EFL1: variants seen among roughly 807,000 people sequenced by gnomAD.
EFL1 encodes elongation factor like GTPase 1.
EFL1 carries 76 observed loss-of-function variants against 126.7 expected under a neutral mutation model. The observed-to-expected ratio is 0.60, with a 90% confidence interval of 0.50 to 0.73. The LOEUF (loss-of-function observed/expected upper bound fraction) is 0.73, where lower values mean the gene tolerates loss of function less well. Ranked by LOEUF, EFL1 falls within the 30% of genes least tolerant of loss-of-function variation. The probability of loss-of-function intolerance (pLI) is 0.00; values close to 1 mark genes in which losing one functional copy is unlikely to be tolerated. For missense variants in EFL1, 1,128 were observed against 1,343.2 expected (o/e 0.84, Z 2.50); for synonymous variants, 410 against 448.4 (o/e 0.91, Z 1.08).
intron 15 of EFL1, among the ~76,000 whole-genome samples, chr15:82,206,292 T>G (rs1403651401): frequency 6.6e-6 from 1 of 152,042 alleles, no homozygotes; most frequent in East Asian, 1.9e-4. Flanking sequence ...TGATACATAA[T>G]ATATTAGAAG....
chr15:82,225,401 C>T (rs2074752955), intron 11 of EFL1, 137 bp from the exon 12 acceptor site: 1 of 598,400 alleles, frequency 1.7e-6, no homozygotes. Context: ...TAACTTTTTC[C>T]AACTATGATA....
intron 11 of EFL1, among the ~76,000 whole-genome samples, chr15:82,226,870 G>A (rs2074769472): frequency 1.3e-5 from 2 of 152,124 alleles, no homozygotes; most frequent in Admixed American, 6.6e-5. Context: ...GAGATATTAA[G>A]GATAAGCAGC....
At chr15:82,207,395 T>C (rs559961260) in intron 15 of EFL1, among the ~76,000 whole-genome samples, 1 of 151,882 alleles carries the variant, frequency 6.6e-6, no homozygotes, top group African/African-American at 2.4e-5. Context: ...ATTGCACCAC[T>C]ATTTAACACT....
chr15:82,202,010 C>T (rs1342732958), intron 15 of EFL1, among the ~76,000 whole-genome samples: 2 of 151,776 alleles, frequency 1.3e-5, no homozygotes, highest in Non-Finnish European at 1.5e-5. Context: ...GTTGACAATT[C>T]AGGAGTTTTA....
At chr15:82,218,777 T>A (rs1000072581) in intron 14 of EFL1, among the ~76,000 whole-genome samples, 25 of 152,348 alleles carry the variant, frequency 1.6e-4, no homozygotes, top group South Asian at 6.2e-4. Context: ...GCCACGCAGC[T>A]CTGCACTCTC....
Position 82,130,468 on chromosome 15 carries a change from A to G in EFL1, c.3268T>C (p.Tyr1090His). The G allele has an allele frequency of 6.2e-7, 1 of 1,614,112 alleles. No individual in the cohort carries two copies. The highest frequency in any genetic ancestry group is 8.5e-7 in the Non-Finnish European group (1 of 1,180,030). ...TTCCGCTTTCGTACTGCGTTCATGTACTTCCGGGCTTGGTTCTCAGAGTCA... is the reference window on the plus strand; with the variant it reads ...TTCCGCTTTCGTACTGCGTTCATGTGCTTCCGGGCTTGGTTCTCAGAGTCA... ...KADSENQARK[Y>H]MNAVRKRKGL... is the part of the protein sequence containing the mutation. Residue 1090 changes from tyrosine to histidine, a missense_variant, in exon 20 of 20, where the codon TAC becomes CAC. Around this residue, in one of 6 missense-constraint regions of EFL1, gnomAD observed 561 missense variants for 641.7 expected, o/e 0.87. Coordinates refer to ENST00000268206, the MANE Select transcript of EFL1 (RefSeq NM_024580.6).
intron 15 of EFL1, among the ~76,000 whole-genome samples, chr15:82,165,281 AAGAG>A (rs1212220799): frequency 2.6e-4 from 40 of 152,094 alleles, no homozygotes; most frequent in African/African-American, 9.7e-5. Flanking sequence ...GAGAGAGTGA[AAGAG>A]AGAGAGCGAG....
rs763624236 is a variant in EFL1 at position 82,130,404 on chromosome 15, T to C, written c.3332A>G (p.Glu1111Gly). 7.3e-5 allele frequency: 118 copies of C among 1,614,068 alleles called. No homozygotes were observed. The highest frequency in any genetic ancestry group is 9.2e-5 in the Non-Finnish European group (109 of 1,180,034). ...YVEEKIVEHA[E>G]KQRTLSKNK Reference sequence around the variant, plus strand: ...ATTTTTGCTGAGTGTCCTCTGCTTTTCTGCATGCTCCACAATCTTTTCTTC... The same window carrying C: ...ATTTTTGCTGAGTGTCCTCTGCTTTCCTGCATGCTCCACAATCTTTTCTTC... Residue 1111 changes from glutamate (E) to glycine (G), a missense_variant, in exon 20 of 20, where the codon GAA becomes GGA. Physicochemically the swap from Glu to Gly is moderately conservative, Grantham distance 98. Coordinates refer to ENST00000268206, the MANE Select transcript of EFL1 (RefSeq NM_024580.6).
At chr15:82,181,622 A>ATGTGTGTGTGTGTGTGTG (rs35063141) in intron 15 of EFL1, among the ~76,000 whole-genome samples, 5 of 149,374 alleles carry the variant, frequency 3.3e-5, no homozygotes, top group African/African-American at 1.2e-4. Flanking sequence ...ATGTGTGTGC[A>ATGTGTGTGTGTGTGTGTG]TGTGTGTGTG....
At chr15:82,200,517 G>C (rs902037390) in intron 15 of EFL1, among the ~76,000 whole-genome samples, 3 of 152,104 alleles carry the variant, frequency 2.0e-5, no homozygotes, top group Non-Finnish European at 4.4e-5. Context: ...CTGGACCATG[G>C]CACAGAGAAA....
At chr15:82,241,541 A>C in intron 4 of EFL1, 138 bp from the exon 5 acceptor site, 1 of 1,081,770 alleles carries the variant, frequency 9.2e-7, no homozygotes, top group Non-Finnish European at 1.3e-6. Context: ...CTCAATCCAG[A>C]GCTACCATTC....
chr15:82,130,515 T>G lies in EFL1; in HGVS notation c.3221A>C (p.Tyr1074Ser). ...PFWVPTTEEE[Y>S]LHFGEKADSE... is the part of the protein sequence containing the mutation. Reference sequence around the variant, plus strand: ...GTCAGCCTTCTCCCCAAAGTGCAAGTATTCCTCCTCAGTAGTTGGCACCCA... The same window carrying G: ...GTCAGCCTTCTCCCCAAAGTGCAAGGATTCCTCCTCAGTAGTTGGCACCCA... The change falls in exon 20 of 20, where the codon TAC (tyrosine) becomes TCC (serine). Residue 1074 changes from tyrosine (Y) to serine (S), a missense_variant. This residue lies in a region of EFL1 where 561 missense variants were observed against 641.7 expected (regional missense o/e 0.87). Coordinates refer to ENST00000268206, the MANE Select transcript of EFL1 (RefSeq NM_024580.6). The G allele has an allele frequency of 6.2e-7, 1 of 1,614,162 alleles. No homozygotes were observed. The highest frequency in any genetic ancestry group is 8.5e-7 in the Non-Finnish European group (1 of 1,180,026).
intron 17 of EFL1, chr15:82,157,450 T>C (rs191433491): frequency 1.0e-5 from 3 of 299,562 alleles, no homozygotes; most frequent in African/African-American, 4.3e-5. Flanking sequence ...TTTGTGTACA[T>C]GCTTAAAGTA....
chr15:82,244,306 T>A (rs1013789027), intron 4 of EFL1, among the ~76,000 whole-genome samples: 3 of 152,130 alleles, frequency 2.0e-5, no homozygotes, highest in Admixed American at 2.0e-4. Context: ...TGTGATCAAA[T>A]TAAAAAATAC....
At chr15:82,143,715 G>T (rs1002087209) in intron 18 of EFL1, among the ~76,000 whole-genome samples, 1 of 152,194 alleles carries the variant, frequency 6.6e-6, no homozygotes, top group Non-Finnish European at 1.5e-5. Context: ...CAAACCCACT[G>T]TGGAAAGTTG....
In EFL1 at chr15:82,240,552, G is replaced by A. The variant is rs2074920745; in HGVS notation, c.382C>T (p.Gln128Ter). 6.2e-7 allele frequency: 1 copy of A among 1,609,464 alleles called. No homozygotes were observed. Among genetic ancestry groups the A allele is most frequent in the African/African-American group, 1.3e-5 (1 of 74,602 alleles). The stretch of plus-strand genomic sequence containing the variant: ...AGCCAAGCTTGTCGCAGAACTGCCT[G>A]TGTCTGATAAAAACAGAAAGAAAAA... Reference protein sequence around the residue: ...DAVEGVCPQTQAVLRQAWLEN... With the variant: ...DAVEGVCPQT Residue 128 changes from glutamine to a stop codon, truncating the protein, a stop_gained, in exon 6 of 20, where the codon CAG (glutamine) becomes TAG (stop). Transcript: ENST00000268206. LOFTEE classifies it high-confidence loss of function.
intron 11 of EFL1, among the ~76,000 whole-genome samples, 173 bp downstream of exon 11, chr15:82,227,277 G>A (rs1195470291): frequency 1.3e-5 from 2 of 152,180 alleles, no homozygotes; most frequent in African/African-American, 4.8e-5. Flanking sequence ...TTTGGGGTGA[G>A]GGTGGGAGGC....
At chr15:82,140,592 C>T (rs201240181) in intron 18 of EFL1, among the ~76,000 whole-genome samples, 2 of 152,158 alleles carry the variant, frequency 1.3e-5, no homozygotes, top group East Asian at 3.8e-4. Context: ...TAATTTTATG[C>T]TTGGGACTCC....
In EFL1 at chr15:82,261,719, C is replaced by G. The variant is rs1194770123; in HGVS notation, c.60G>C (p.Arg20Ser). The change falls in exon 2 of 20, where the codon AGG becomes AGC. Residue 20 changes from arginine (R) to serine (S), a missense_variant. Arg to Ser is a moderately radical substitution (Grantham distance 110, BLOSUM62 -1). Transcript: ENST00000268206. ...IQLQKNTANI[R>S]NICVLAHVDH... ...CAACATGAGCCAAAACACAAATATTCCTGATGTTGGCAGTGTTTTTCTGGA... is the reference window on the plus strand; with the variant it reads ...CAACATGAGCCAAAACACAAATATTGCTGATGTTGGCAGTGTTTTTCTGGA... The G allele has an allele frequency of 1.1e-5, 17 of 1,613,896 alleles. No individual in the cohort carries two copies. The highest frequency in any genetic ancestry group is 2.7e-5 in the African/African-American group (2 of 74,902).
Sources: gnomAD v4.1 joint callset for allele counts (sites outside exome capture counted in the v4.1 genomes callset) on GRCh38, gnomAD v4.1.1 for gene constraint, gnomAD v4.1.1 regional missense constraint, MANE v1.5 for transcripts, NCBI Gene and HGNC (gene_info 2026-07-23, HGNC 2026-07-21) for gene names.